The following AMPH variants were observed in gnomAD, a reference collection of about 807,000 sequenced individuals.
AMPH encodes the protein amphiphysin (Stiff-Mann syndrome with breast cancer 128kD autoantigen).
A neutral mutation model predicts 99.1 loss-of-function variants in AMPH; 49 were observed. The observed-to-expected ratio is 0.49, with a 90% CI of 0.39 to 0.63. The LOEUF (loss-of-function observed/expected upper bound fraction) is 0.63. AMPH is among the 20% of genes least tolerant of loss of function. The pLI is 0.00. For synonymous variants in AMPH, 314 were observed against 317.3 expected (o/e 0.99, Z 0.11); for missense variants, 759 against 863.4 (o/e 0.88, Z 1.52).
At chr7:38,624,369 C>CTTATTA (rs527830430) in intron 1 of AMPH, among the ~76,000 whole-genome samples, 3 of 151,314 alleles carry the variant, frequency 2.0e-5, no homozygotes, top group Non-Finnish European at 4.4e-5. Flanking sequence ...GTCTAACTCC[C>CTTATTA]TTATTATTAT....
chr7:38,463,123 C>T lies in AMPH; in HGVS notation c.750-10G>A, dbSNP rs1239130158. On this transcript the variant is annotated splice_polypyrimidine_tract_variant and intron_variant, in intron 9 of 20. Transcript: ENST00000356264. ...GAGAGGACCCGAATCACTAGAGGAA[C>T]ACAGGGGATTGGGCAAGGGGCCTTC... The T allele has an allele frequency of 6.2e-7, 1 of 1,613,846 alleles. No homozygotes were observed. Among genetic ancestry groups the T allele is most frequent in the African/African-American group, 1.3e-5 (1 of 75,048 alleles).
At chr7:38,470,282 C>G (rs115532484) in intron 7 of AMPH, among the ~76,000 whole-genome samples, 3,265 of 152,274 alleles carry the variant, frequency 0.021, 113 homozygotes, top group African/African-American at 0.075. Flanking sequence ...TCAGGCCCAT[C>G]ATAGTTAGAA....
chr7:38,519,005 T>C (rs1379840891), intron 2 of AMPH, among the ~76,000 whole-genome samples: 1 of 152,210 alleles, frequency 6.6e-6, no homozygotes, highest in Non-Finnish European at 1.5e-5. Flanking sequence ...GCCATTATCA[T>C]GGCAGCGAGC....
chr7:38,389,928 A>G, intron 19 of AMPH, 23 bp from the exon 20 acceptor site: 1 of 1,565,606 alleles, frequency 6.4e-7, no homozygotes, highest in Non-Finnish European at 8.8e-7. Flanking sequence ...AGAATACATA[A>G]AAATCAATTT....
intron 1 of AMPH, among the ~76,000 whole-genome samples, chr7:38,557,891 T>C (rs573115714): frequency 1.8e-3 from 276 of 151,390 alleles, no homozygotes; most frequent in African/African-American, 6.4e-3. Flanking sequence ...CAGTCTCTAC[T>C]AAAAATAAAA....
At chr7:38,408,895 A>C (rs1785136629) in intron 17 of AMPH, among the ~76,000 whole-genome samples, 1 of 152,160 alleles carries the variant, frequency 6.6e-6, no homozygotes, top group Non-Finnish European at 1.5e-5. Context: ...GGAAAAGTGG[A>C]AAAGATGACC....
intron 1 of AMPH, among the ~76,000 whole-genome samples, chr7:38,600,880 T>C (rs927567266): frequency 1.3e-5 from 2 of 152,206 alleles, no homozygotes; most frequent in African/African-American, 4.8e-5. Context: ...TGTTATAAAG[T>C]GACAGGTACT....
intron 1 of AMPH, among the ~76,000 whole-genome samples, chr7:38,555,326 G>T (rs1197891952): frequency 6.6e-6 from 1 of 152,024 alleles, no homozygotes; most frequent in African/African-American, 2.4e-5. Flanking sequence ...GATTGCTTGA[G>T]CCCAGGAGTT....
At chr7:38,558,930 A>G (rs1791463848) in intron 1 of AMPH, among the ~76,000 whole-genome samples, 1 of 152,214 alleles carries the variant, frequency 6.6e-6, no homozygotes, top group African/African-American at 2.4e-5. Context: ...TTCTACTTGT[A>G]GTCACTCCTT....
chr7:38,575,867 C>T (rs1792220812), intron 1 of AMPH, among the ~76,000 whole-genome samples: 1 of 152,214 alleles, frequency 6.6e-6, no homozygotes. Flanking sequence ...GGGGAATTCA[C>T]CTGAAATCAG....
chr7:38,463,457 C>T (rs1787533213), intron 9 of AMPH, among the ~76,000 whole-genome samples: 1 of 152,218 alleles, frequency 6.6e-6, no homozygotes, highest in African/African-American at 2.4e-5. Context: ...CTTAGTAATG[C>T]AAGCCCTCTG....
At chr7:38,418,562 G>A (rs896856648) in intron 16 of AMPH, among the ~76,000 whole-genome samples, 3 of 152,214 alleles carry the variant, frequency 2.0e-5, no homozygotes, top group African/African-American at 4.8e-5. Context: ...CCACTTCCAA[G>A]GCTGGGAAGA....
intron 1 of AMPH, among the ~76,000 whole-genome samples, chr7:38,587,922 G>C (rs952919655): frequency 5.6e-5 from 8 of 143,700 alleles, no homozygotes; most frequent in African/African-American, 1.1e-4. Flanking sequence ...TACTGTGTGT[G>C]TGTGTGTGTG....
Position 38,409,199 on chromosome 7 carries a change from G to A in AMPH, c.1398+8626C>T, listed in dbSNP as rs183919440. Among the ~76,000 whole-genome samples the A allele has an allele frequency of 3.9e-5, 6 of 152,328 alleles. No homozygotes were observed. In the East Asian group the frequency reaches 7.7e-4, roughly 20 times the overall value. Reference sequence around the variant, plus strand: ...AGTAACAAAGGAGAATAAATACAGCGGGAATTCTGGCTGCAGGGCACCATT... The same window carrying A: ...AGTAACAAAGGAGAATAAATACAGCAGGAATTCTGGCTGCAGGGCACCATT... On this transcript the variant is annotated intron_variant, in intron 17 of 20. Transcript: ENST00000356264.
chr7:38,466,523 C>T (rs1331397215), intron 7 of AMPH, among the ~76,000 whole-genome samples: 1 of 151,274 alleles, frequency 6.6e-6, no homozygotes, highest in Non-Finnish European at 1.5e-5. Context: ...ATGAGAACCA[C>T]CTGAAGGGTG....
intron 1 of AMPH, among the ~76,000 whole-genome samples, chr7:38,542,291 A>T (rs1225889519): frequency 6.6e-6 from 1 of 152,226 alleles, no homozygotes; most frequent in East Asian, 1.9e-4. Context: ...GAGTCATCCC[A>T]TGAGACTCGG....
intron 17 of AMPH, among the ~76,000 whole-genome samples, chr7:38,410,915 T>C (rs1320760222): frequency 5.3e-5 from 8 of 152,238 alleles, no homozygotes; most frequent in Non-Finnish European, 1.2e-4. Flanking sequence ...CCATCAAGTC[T>C]AAGCATTCGT....
chr7:38,440,445 A>T (rs1185259451), intron 11 of AMPH, among the ~76,000 whole-genome samples: 1 of 152,218 alleles, frequency 6.6e-6, no homozygotes, highest in African/African-American at 2.4e-5. Context: ...GGGAAAAATG[A>T]TAACAGAACT....
chr7:38,511,363 G>A (rs940155801), intron 2 of AMPH, among the ~76,000 whole-genome samples: 2 of 152,148 alleles, frequency 1.3e-5, no homozygotes, highest in East Asian at 3.8e-4. Flanking sequence ...AATTTATAAT[G>A]CTTCCTTGTT....
Sources: gnomAD v4.1 joint callset for allele counts (sites outside exome capture counted in the v4.1 genomes callset) on GRCh38, gnomAD v4.1.1 for gene constraint, MANE v1.5 for transcripts, NCBI Gene and HGNC (gene_info 2026-07-23, HGNC 2026-07-21) for gene names.